Variants in FOXP2 observed in about 807,000 individuals in gnomAD.
The protein encoded by FOXP2 is forkhead box protein P2.
A neutral mutation model predicts 115.8 loss-of-function variants in FOXP2; 12 were observed. That is an observed-to-expected ratio of 0.10 (90% CI 0.07 to 0.17). The LOEUF (loss-of-function observed/expected upper bound fraction) is 0.17, where lower values mean the gene tolerates loss of function less well. Among genes scored for constraint, FOXP2 ranks in the 10% least tolerant of loss-of-function variants. FOXP2 has a pLI of 1.00. For synonymous variants in FOXP2, 328 were observed against 297.7 expected (o/e 1.10, Z -1.05); for missense variants, 629 against 843.5 (o/e 0.75, Z 3.15).
chr7:114,651,783 C>T (rs561485845), intron 8 of FOXP2, among the ~76,000 whole-genome samples: 1 of 152,192 alleles, frequency 6.6e-6, no homozygotes, highest in South Asian at 2.1e-4. Context: ...TAAAACATTG[C>T]TCACTAAAAT....
chr7:114,602,755 G>A (rs1485883432), intron 3 of FOXP2, among the ~76,000 whole-genome samples: 2 of 151,954 alleles, frequency 1.3e-5, no homozygotes, highest in Non-Finnish European at 2.9e-5. Context: ...TAATGGGAAA[G>A]AAAAATACTT....
intron 1 of FOXP2, among the ~76,000 whole-genome samples, chr7:114,219,984 A>G (rs1794582368): frequency 6.6e-6 from 1 of 151,468 alleles, no homozygotes; most frequent in Admixed American, 6.6e-5. Context: ...CTCCTGCCTC[A>G]GCCTCCTGAG....
chr7:114,479,794 A>G (rs983781041), intron 2 of FOXP2, among the ~76,000 whole-genome samples: 1 of 151,532 alleles, frequency 6.6e-6, no homozygotes, highest in African/African-American at 2.4e-5. Flanking sequence ...AGAAAAACTT[A>G]ACACAACTGT....
intron 3 of FOXP2, among the ~76,000 whole-genome samples, chr7:114,555,313 C>T (rs1407792131): frequency 6.6e-6 from 1 of 152,124 alleles, no homozygotes; most frequent in African/African-American, 2.4e-5. Flanking sequence ...TGATTCGAAA[C>T]CATGTGCCTT....
chr7:114,422,353 TG>T (rs1793658804), intron 1 of FOXP2, among the ~76,000 whole-genome samples: 2 of 151,714 alleles, frequency 1.3e-5, no homozygotes, highest in Non-Finnish European at 3.0e-5. Flanking sequence ...TTCATCCATT[TG>T]TTTTGATTAA....
intron 1 of FOXP2, among the ~76,000 whole-genome samples, chr7:114,215,831 A>G (rs1015381389): frequency 3.9e-5 from 6 of 152,254 alleles, no homozygotes; most frequent in Non-Finnish European, 8.8e-5. Context: ...GCAATTTCCC[A>G]TCCAAAATTT....
At chr7:114,287,790 G>A (rs1010105468) in intron 1 of FOXP2, among the ~76,000 whole-genome samples, 49 of 151,916 alleles carry the variant, frequency 3.2e-4, no homozygotes, top group Admixed American at 2.7e-3. Flanking sequence ...TGCTGTCTCC[G>A]TGGCCTTTGC....
At position 114,522,762 on chromosome 7, in the gene FOXP2, A is replaced by C. The variant is rs868440277; in HGVS notation, c.169-11855A>C. Among the ~76,000 whole-genome samples the C allele has an allele frequency of 1.2e-4, 18 of 152,198 alleles. No individual in the cohort carries two copies. In the South Asian group the frequency reaches 1.2e-3, roughly 11 times the overall value. On this transcript the variant is annotated intron_variant, in intron 2 of 16. Coordinates refer to ENST00000350908, the MANE Select transcript of FOXP2 (RefSeq NM_014491.4). ...AAAAGAACACTCGTATCACATTATA[A>C]TGTTCATAACTCTAATTTACCACAT...
chr7:114,528,747 A>G (rs1184998501), intron 2 of FOXP2, among the ~76,000 whole-genome samples: 1 of 151,856 alleles, frequency 6.6e-6, no homozygotes, highest in African/African-American at 2.4e-5. Flanking sequence ...TACATATCCA[A>G]ACAAAAGATG....
intron 1 of FOXP2, among the ~76,000 whole-genome samples, chr7:114,090,025 G>A (rs1462624511): frequency 6.6e-6 from 1 of 151,914 alleles, no homozygotes; most frequent in Non-Finnish European, 1.5e-5. Context: ...GATTTTATTT[G>A]TGACGTTTTT....
chr7:114,236,254 A>C (rs1241582654), intron 1 of FOXP2, among the ~76,000 whole-genome samples: 1 of 152,248 alleles, frequency 6.6e-6, no homozygotes, highest in Non-Finnish European at 1.5e-5. Context: ...ATGTTTGTCA[A>C]TTTAAGAATA....
At chr7:114,209,874 A>G (rs12538008) in intron 1 of FOXP2, among the ~76,000 whole-genome samples, 6,438 of 152,148 alleles carry the variant, frequency 0.042, 202 homozygotes, top group East Asian at 0.12. Flanking sequence ...GTCTTATTTC[A>G]GAAAGAGTTT....
chr7:114,287,100 G>A (rs748118996), intron 1 of FOXP2, among the ~76,000 whole-genome samples: 4 of 151,808 alleles, frequency 2.6e-5, no homozygotes, highest in Non-Finnish European at 4.4e-5. Context: ...AGTCACTACC[G>A]ATCAATCAGA....
chr7:114,392,662 G>C (rs1405081945), intron 2 of FOXP2, among the ~76,000 whole-genome samples: 1 of 152,076 alleles, frequency 6.6e-6, no homozygotes, highest in African/African-American at 2.4e-5. Flanking sequence ...TCATTGTCAG[G>C]CTCCACACAG....
intron 3 of FOXP2, among the ~76,000 whole-genome samples, chr7:114,624,702 G>A (rs1369513714): frequency 2.6e-5 from 4 of 151,652 alleles, no homozygotes; most frequent in East Asian, 1.9e-4. Flanking sequence ...GCATTGTCTC[G>A]TAATAACTTT....
chr7:114,608,397 C>T (rs557817476), intron 3 of FOXP2, among the ~76,000 whole-genome samples: 12 of 152,124 alleles, frequency 7.9e-5, no homozygotes, highest in South Asian at 2.1e-4. Context: ...TAAAGGCTAC[C>T]GTCTTCATAG....
chr7:114,415,802 AG>A (rs1466169417), intron 1 of FOXP2, among the ~76,000 whole-genome samples: 4 of 151,962 alleles, frequency 2.6e-5, no homozygotes, highest in Non-Finnish European at 5.9e-5. Context: ...CGTGCTGTGT[AG>A]AGCAGATGTT....
In FOXP2 at chr7:114,691,752, G is replaced by A. The variant is rs771404418; in HGVS notation, c.*1826G>A. 4.0e-5 allele frequency: 18 copies of A among 453,556 alleles called. No individual in the cohort carries two copies. Among genetic ancestry groups the A allele is most frequent in the Non-Finnish European group, 6.6e-5 (15 of 226,518 alleles). 28.1% of individuals were successfully genotyped at this position (453,556 alleles called of 1,614,324 possible). A position where few individuals can be genotyped will look rare whatever the true frequency, so the allele number is the denominator to read the frequency against. On this transcript the variant is annotated 3_prime_UTR_variant, in exon 17 of 17. Coordinates refer to ENST00000350908, the MANE Select transcript of FOXP2 (RefSeq NM_014491.4). ...CTGCTAGAGCTTAACATACGTTCCC[G>A]TTCCATGTGATGGAACCGGTTCTTG...
At chr7:114,643,584 A>G (rs982349393) in intron 7 of FOXP2, among the ~76,000 whole-genome samples, 1 of 152,166 alleles carries the variant, frequency 6.6e-6, no homozygotes, top group African/African-American at 2.4e-5. Context: ...ATTTTTAACT[A>G]CTGTTTTTAG....
Sources: allele counts gnomAD v4.1 joint callset (sites outside exome capture counted in the v4.1 genomes callset), GRCh38; gene constraint gnomAD v4.1.1; transcripts MANE v1.5; gene names NCBI Gene and HGNC (gene_info 2026-07-23, HGNC 2026-07-21).